The following GRIK4 variants were observed in gnomAD, a reference collection of about 807,000 sequenced individuals.
The protein encoded by GRIK4 is glutamate receptor ionotropic, kainate 4.
Under a neutral mutation model 104.9 loss-of-function variants are expected in GRIK4, and 40 were observed. The ratio of observed to expected loss-of-function variants is 0.38; its 90% CI spans 0.30 to 0.50. The LOEUF (loss-of-function observed/expected upper bound fraction) is 0.50. Ranked by LOEUF, GRIK4 falls within the 20% of genes least tolerant of loss-of-function variation. The pLI is 0.93. For synonymous variants in GRIK4, 485 were observed against 524.9 expected (o/e 0.92, Z 1.04); for missense variants, 1,047 against 1,308.1 (o/e 0.80, Z 3.08).
chr11:120,769,942 C>G (rs907304836), intron 3 of GRIK4, among the ~76,000 whole-genome samples: 2 of 152,142 alleles, frequency 1.3e-5, no homozygotes, highest in African/African-American at 2.4e-5. Flanking sequence ...TGACTCCCTC[C>G]CAGCTTAACC....
chr11:120,896,204 A>C (rs773061588), intron 11 of GRIK4, among the ~76,000 whole-genome samples: 5 of 152,218 alleles, frequency 3.3e-5, no homozygotes, highest in Non-Finnish European at 7.3e-5. Flanking sequence ...GTCAGACAGG[A>C]TGACCAGGCA....
intron 3 of GRIK4, among the ~76,000 whole-genome samples, chr11:120,738,996 A>T (rs1727839324): frequency 1.3e-5 from 2 of 152,190 alleles, no homozygotes; most frequent in African/African-American, 2.4e-5. Context: ...AGAGCCAAAA[A>T]GTTGAAGCAG....
chr11:120,754,111 A>G (rs1951611314), intron 3 of GRIK4, among the ~76,000 whole-genome samples: 1 of 151,786 alleles, frequency 6.6e-6, no homozygotes, highest in Non-Finnish European at 1.5e-5. Flanking sequence ...ACTCATTGCA[A>G]CCTCCACTTC....
intron 14 of GRIK4, among the ~76,000 whole-genome samples, chr11:120,942,429 CTGTGGCTTGTGGTAG>C (rs566053889): frequency 4.6e-5 from 7 of 152,328 alleles, no homozygotes; most frequent in Non-Finnish European, 8.8e-5. Context: ...AACTACCCTG[CTGTGGCTTGTGGTAG>C]CCACTCAACT....
intron 11 of GRIK4, among the ~76,000 whole-genome samples, chr11:120,880,658 C>T (rs565322138): frequency 2.4e-4 from 36 of 152,300 alleles, no homozygotes; most frequent in African/African-American, 7.9e-4. Context: ...AAGAGATGAC[C>T]GCCCAGCCTC....
chr11:120,761,574 G>T (rs1951749829), intron 3 of GRIK4, among the ~76,000 whole-genome samples: 1 of 152,082 alleles, frequency 6.6e-6, no homozygotes. Flanking sequence ...GAGTTTTTAT[G>T]GTTTCAGGTC....
At position 120,893,366 on chromosome 11, in the gene GRIK4, C is replaced by G. The variant is rs532832487; in HGVS notation, c.1165-5166C>G. On this transcript the variant is annotated intron_variant, in intron 11 of 20. Coordinates refer to ENST00000527524, the MANE Select transcript of GRIK4 (RefSeq NM_014619.5). ...AATTTTAATATTTGACTAAGCAGTCCTATCATAAAATGTTTCTTGTAATGG... is the reference window on the plus strand; with the variant it reads ...AATTTTAATATTTGACTAAGCAGTCGTATCATAAAATGTTTCTTGTAATGG... Among the ~76,000 whole-genome samples, 15 of 152,270 alleles carry G rather than the reference C, an allele frequency of 9.9e-5. No individual in the cohort carries two copies. The South Asian group carries it at 2.9e-3, about 29-fold the overall frequency.
intron 19 of GRIK4, among the ~76,000 whole-genome samples, chr11:120,975,071 C>G (rs1001462492): frequency 2.0e-5 from 3 of 152,078 alleles, no homozygotes; most frequent in South Asian, 4.2e-4. Flanking sequence ...CATGAGCTCA[C>G]AATGAGGCTT....
At position 120,722,052 on chromosome 11, in the gene GRIK4, C is replaced by CT. The variant is rs1950941647; in HGVS notation, c.82+61653dup. ...AAGTAACTTGAGGTAGTTTACACAG[C>CT]TAGTCAGTGTCTGGGCCTGGGGTCC... On this transcript the variant is annotated intron_variant, in intron 3 of 20. Transcript: ENST00000527524. 1.3e-5 allele frequency among the ~76,000 whole-genome samples: 2 copies of CT among 152,134 alleles called. 1 individual carries two copies. Among genetic ancestry groups the CT allele is most frequent in the South Asian group, 4.1e-4 (2 of 4,822 alleles).
At chr11:120,645,772 C>T (rs564491603) in intron 1 of GRIK4, among the ~76,000 whole-genome samples, 55 of 152,338 alleles carry the variant, frequency 3.6e-4, no homozygotes, top group African/African-American at 1.1e-3. Context: ...CGTTCCCTTG[C>T]CTGCTGGCTG....
intron 4 of GRIK4, among the ~76,000 whole-genome samples, chr11:120,808,172 G>A (rs1952755588): frequency 6.6e-6 from 1 of 152,198 alleles, no homozygotes; most frequent in Non-Finnish European, 1.5e-5. Flanking sequence ...GCAGAGGAGA[G>A]ATCCTGGCTT....
At chr11:120,838,890 C>T (rs945663022) in intron 8 of GRIK4, among the ~76,000 whole-genome samples, 1 of 152,086 alleles carries the variant, frequency 6.6e-6, no homozygotes, top group Non-Finnish European at 1.5e-5. Context: ...AGGTTCAAGC[C>T]ATTCTCCTGC....
At chr11:120,692,674 A>G (rs1284571789) in intron 3 of GRIK4, among the ~76,000 whole-genome samples, 1 of 152,202 alleles carries the variant, frequency 6.6e-6, no homozygotes, top group Non-Finnish European at 1.5e-5. Context: ...GAGGAACCCA[A>G]ACGATGGAGA....
At chr11:120,855,325 C>G (rs1219536475) in intron 8 of GRIK4, among the ~76,000 whole-genome samples, 1 of 152,156 alleles carries the variant, frequency 6.6e-6, no homozygotes, top group African/African-American at 2.4e-5. Flanking sequence ...TGCTGTGACT[C>G]CTTTTCTGGG....
At chr11:120,776,142 GCT>G (rs1952037360) in intron 3 of GRIK4, among the ~76,000 whole-genome samples, 1 of 152,236 alleles carries the variant, frequency 6.6e-6, no homozygotes, top group South Asian at 2.1e-4. Flanking sequence ...AGAAACATCT[GCT>G]CTCTGTTATT....
intron 13 of GRIK4, among the ~76,000 whole-genome samples, chr11:120,924,972 G>C (rs1565442459): frequency 6.6e-6 from 1 of 152,166 alleles, no homozygotes; most frequent in Non-Finnish European, 1.5e-5. Flanking sequence ...AATGAGAAGG[G>C]GCCAGATGCT....
chr11:120,919,767 G>A (rs370885272), intron 13 of GRIK4, among the ~76,000 whole-genome samples: 1 of 152,162 alleles, frequency 6.6e-6, no homozygotes, highest in Non-Finnish European at 1.5e-5. Flanking sequence ...TTCAACAGGC[G>A]TTTCAGAGGT....
rs3831457 is a variant in GRIK4 at position 120,987,899 on chromosome 11, GAAAC to G, written c.*1645_*1648del. On this transcript the variant is annotated 3_prime_UTR_variant, in exon 21 of 21. Transcript: ENST00000527524. ...ATTGTAAACTTAGAAAATTCAGAGA[GAAAC>G]AAACAGCCGCTACCAACCACCTCCA... 84,264 of 146,872 alleles carry G rather than the reference GAAAC, an allele frequency of 0.57. 24,003 individuals carry two copies. Among genetic ancestry groups the G allele is most frequent in the Admixed American group, 0.66 (9,904 of 15,042 alleles). 9.1% of individuals were successfully genotyped at this position (146,872 alleles called of 1,614,324 possible). A position where few individuals can be genotyped will look rare whatever the true frequency, so the allele number is the denominator to read the frequency against.
chr11:120,779,374 T>C (rs891254182), intron 3 of GRIK4, among the ~76,000 whole-genome samples: 2 of 152,148 alleles, frequency 1.3e-5, no homozygotes, highest in Non-Finnish European at 2.9e-5. Context: ...AAAGGGCATT[T>C]CAGGATGGCA....
Sources: gnomAD v4.1 joint callset for allele counts (sites outside exome capture counted in the v4.1 genomes callset) on GRCh38, gnomAD v4.1.1 for gene constraint, MANE v1.5 for transcripts, NCBI Gene and HGNC (gene_info 2026-07-23, HGNC 2026-07-21) for gene names.